The following LRRC4C variants were observed in gnomAD, a reference collection of about 807,000 sequenced individuals.
The protein encoded by LRRC4C is leucine rich repeat containing 4C, also known as leucine-rich repeat-containing protein 4C.
LRRC4C carries 5 observed loss-of-function variants against 33.6 expected under a neutral mutation model. The observed-to-expected ratio is 0.15, with a 90% CI of 0.08 to 0.31. The LOEUF is 0.31. Ranked by LOEUF, LRRC4C falls within the 10% of genes least tolerant of loss-of-function variation. The pLI, the probability that LRRC4C is intolerant of heterozygous loss-of-function variation, is 1.00. For synonymous variants in LRRC4C, 329 were observed against 302.0 expected, an observed-to-expected ratio of 1.09 and a Z score of -0.93; for missense variants, 560 against 796.7, an observed-to-expected ratio of 0.70 and a Z score of 3.58.
intron 5 of LRRC4C, among the ~76,000 whole-genome samples, chr11:40,202,483 T>C (rs1278362050): frequency 2.0e-5 from 3 of 152,112 alleles, no homozygotes; most frequent in Non-Finnish European, 2.9e-5. Context: ...TACCACCATA[T>C]GCAGGTCACA....
In LRRC4C at chr11:41,360,749, T is replaced by C. The variant is rs12291769; in HGVS notation, c.-496+98682A>G. 2.4e-3 allele frequency among the ~76,000 whole-genome samples: 367 copies of C among 152,224 alleles called. 3 individuals are homozygous for C. The highest frequency in any genetic ancestry group is 8.5e-3 in the African/African-American group (352 of 41,530). On this transcript the variant is annotated intron_variant, in intron 1 of 6. Coordinates refer to ENST00000528697, the MANE Select transcript of LRRC4C (RefSeq NM_001258419.2). ...AAATAAGGCCCATATTGTTGAAGCA[T>C]AGAAAGGGAGTTAAAGGGTGGCTCA...
At chr11:41,220,612 A>T (rs1158477871) in intron 1 of LRRC4C, among the ~76,000 whole-genome samples, 1 of 151,936 alleles carries the variant, frequency 6.6e-6, no homozygotes, top group Admixed American at 6.6e-5. Context: ...AAAGAATTTT[A>T]CTTAGAATAT....
intron 1 of LRRC4C, among the ~76,000 whole-genome samples, chr11:41,109,793 T>C (rs1366475819): frequency 3.3e-5 from 5 of 152,072 alleles, no homozygotes; most frequent in African/African-American, 1.2e-4. Flanking sequence ...GAAATTCTTC[T>C]TCTAGACCTA....
intron 4 of LRRC4C, among the ~76,000 whole-genome samples, chr11:40,283,394 T>C (rs545212632): frequency 1.3e-4 from 20 of 152,216 alleles, no homozygotes; most frequent in African/African-American, 4.8e-4. Flanking sequence ...AAATGATAAC[T>C]GCCAGGTACA....
At chr11:40,511,954 G>A (rs1185305725) in intron 3 of LRRC4C, among the ~76,000 whole-genome samples, 1 of 152,022 alleles carries the variant, frequency 6.6e-6, no homozygotes, top group East Asian at 1.9e-4. Context: ...GTTTTCAGAT[G>A]TACTACATAT....
chr11:40,400,991 T>C (rs768716020), intron 3 of LRRC4C, among the ~76,000 whole-genome samples: 2 of 152,130 alleles, frequency 1.3e-5, no homozygotes, highest in Non-Finnish European at 2.9e-5. Context: ...TTACTTAGCA[T>C]AGAATGTCTG....
At chr11:40,446,525 T>C (rs1392810298) in intron 3 of LRRC4C, 1 of 152,176 alleles carries the variant, frequency 6.6e-6, no homozygotes, top group African/African-American at 2.4e-5. Flanking sequence ...ATTTCTTGGC[T>C]CCTCTTAATT....
intron 1 of LRRC4C, among the ~76,000 whole-genome samples, chr11:41,258,763 A>C (rs77437809): frequency 2.0e-5 from 3 of 152,134 alleles, no homozygotes; most frequent in African/African-American, 7.2e-5. Context: ...AGCAACATCA[A>C]AATTTGCCCA....
At chr11:40,857,963 G>GGGAAAA (rs1341038985) in intron 2 of LRRC4C, among the ~76,000 whole-genome samples, 2 of 70,900 alleles carry the variant, frequency 2.8e-5, no homozygotes, top group Non-Finnish European at 7.9e-5. Context: ...GAAAGGGAAA[G>GGGAAAA]GGAAAGGGAA....
intron 1 of LRRC4C, among the ~76,000 whole-genome samples, chr11:41,172,361 A>G (rs1945012965): frequency 6.6e-6 from 1 of 152,192 alleles, no homozygotes; most frequent in South Asian, 2.1e-4. Context: ...GTATACCACA[A>G]GGCCATATGC....
chr11:41,297,635 TCTA>T (rs1228304939), intron 1 of LRRC4C, among the ~76,000 whole-genome samples: 1 of 152,176 alleles, frequency 6.6e-6, no homozygotes, highest in Non-Finnish European at 1.5e-5. Flanking sequence ...TAACCACATT[TCTA>T]CTAACGATAA....
chr11:40,798,110 T>G (rs1464928714), intron 2 of LRRC4C, among the ~76,000 whole-genome samples: 1 of 152,210 alleles, frequency 6.6e-6, no homozygotes, highest in Non-Finnish European at 1.5e-5. Flanking sequence ...AAAGAGTCCC[T>G]GTTCATTAGA....
chr11:41,439,769 T>A (rs1955553667), intron 1 of LRRC4C, among the ~76,000 whole-genome samples: 2 of 152,068 alleles, frequency 1.3e-5, no homozygotes, highest in Non-Finnish European at 2.9e-5. Context: ...AAAGTCCCAG[T>A]TTAGTTAGTA....
chr11:40,313,732 C>T (rs1312863418), intron 4 of LRRC4C, among the ~76,000 whole-genome samples: 1 of 150,976 alleles, frequency 6.6e-6, no homozygotes, highest in East Asian at 2.0e-4. Flanking sequence ...CTCAGTCTCC[C>T]AAGTAGCTGG....
At position 40,933,214 on chromosome 11, in the gene LRRC4C, A is replaced by C. The variant is rs1030470416; in HGVS notation, c.-407+421T>G. 3.3e-5 allele frequency among the ~76,000 whole-genome samples: 5 copies of C among 152,348 alleles called. No individual in the cohort carries two copies. In the South Asian group the frequency reaches 1.0e-3, roughly 32 times the overall value. On this transcript the variant is annotated intron_variant, in intron 2 of 6. Coordinates refer to ENST00000528697, the MANE Select transcript of LRRC4C (RefSeq NM_001258419.2). ...ACATGCAACTGCAGTTAGAAAGCAG[A>C]CTTGCAATGTTTTACTAGAAGCAGA...
chr11:40,846,145 G>T (rs1565127098), intron 2 of LRRC4C, among the ~76,000 whole-genome samples: 1 of 151,824 alleles, frequency 6.6e-6, no homozygotes, highest in East Asian at 1.9e-4. Context: ...TCACTCTGAT[G>T]ATAGTTTCTT....
intron 1 of LRRC4C, among the ~76,000 whole-genome samples, chr11:41,415,535 T>C (rs1591468997): frequency 6.6e-6 from 1 of 152,254 alleles, no homozygotes; most frequent in East Asian, 1.9e-4. Flanking sequence ...AGTCTCTTTA[T>C]GTGAAATGAA....
chr11:40,355,812 T>A (rs559085609), intron 3 of LRRC4C, among the ~76,000 whole-genome samples: 15 of 152,302 alleles, frequency 9.8e-5, no homozygotes, highest in African/African-American at 3.4e-4. Flanking sequence ...TTGGCTCTTA[T>A]AAATGTGCCT....
intron 1 of LRRC4C, among the ~76,000 whole-genome samples, chr11:41,008,382 C>T (rs1481027150): frequency 6.6e-6 from 1 of 152,114 alleles, no homozygotes; most frequent in Non-Finnish European, 1.5e-5. Flanking sequence ...ACCACTCTTC[C>T]TTGCAAGTTC....
Sources: allele counts gnomAD v4.1 joint callset (sites outside exome capture counted in the v4.1 genomes callset), GRCh38; gene constraint gnomAD v4.1.1; transcripts MANE v1.5; gene names NCBI Gene and HGNC (gene_info 2026-07-23, HGNC 2026-07-21).